The following ZBBX variants were observed in gnomAD, a reference collection of about 807,000 sequenced individuals.
ZBBX encodes zinc finger B-box domain containing, also known as zinc finger B-box domain-containing protein 1.
In ZBBX, 101 loss-of-function variants were observed where a neutral mutation model predicts 108.5. The ratio of observed to expected loss-of-function variants is 0.93; its 90% CI spans 0.79 to 1.10. The LOEUF is 1.10. ZBBX is among the 50% of genes least tolerant of loss of function. ZBBX has a pLI of 0.00. For missense variants in ZBBX, 1,009 were observed against 941.4 expected (o/e 1.07, Z -0.94); for synonymous variants, 356 against 323.4 (o/e 1.10, Z -1.08).
At chr3:167,350,390 C>T in intron 9 of ZBBX, 30 bp downstream of exon 9, 1 of 1,522,226 alleles carries the variant, frequency 6.6e-7, no homozygotes, top group East Asian at 2.3e-5. Flanking sequence ...TATAAACACA[C>T]TACAAGTAAA....
chr3:167,275,619 G>C (rs1177552015), intron 20 of ZBBX, among the ~76,000 whole-genome samples: 3 of 152,238 alleles, frequency 2.0e-5, no homozygotes, highest in Non-Finnish European at 4.4e-5. Context: ...ACATGGCTCG[G>C]AGGGTCCTAC....
chr3:167,206,539 T>C, the ZBBX span, among the ~76,000 whole-genome samples: 1 of 152,066 alleles, frequency 6.6e-6, no homozygotes, highest in Admixed American at 6.6e-5. Context: ...TAATTTGGAC[T>C]GGAAGTATTA....
At chr3:167,192,308 C>T in the ZBBX span, among the ~76,000 whole-genome samples, 2 of 151,942 alleles carry the variant, frequency 1.3e-5, no homozygotes, top group Admixed American at 1.3e-4. Flanking sequence ...TGTAAGATAT[C>T]TGGTGGTAGT....
At chr3:167,325,049 A>T (rs941249548) in intron 11 of ZBBX, among the ~76,000 whole-genome samples, 1 of 152,168 alleles carries the variant, frequency 6.6e-6, no homozygotes, top group Non-Finnish European at 1.5e-5. Flanking sequence ...ATCCTGTGCG[A>T]GTACATCTAC....
chr3:167,373,557 T>G (rs1046326274), intron 3 of ZBBX, 149 bp downstream of exon 3: 2 of 152,252 alleles, frequency 1.3e-5, no homozygotes, highest in Admixed American at 6.5e-5. Flanking sequence ...TACTATTAAC[T>G]TATTGTTCAT....
intron 8 of ZBBX, among the ~76,000 whole-genome samples, chr3:167,352,920 G>C (rs1274603063): frequency 6.6e-6 from 1 of 152,040 alleles, no homozygotes; most frequent in Non-Finnish European, 1.5e-5. Context: ...ATAACATTCA[G>C]CATCACTCCA....
At chr3:167,266,900 A>T (rs1389805119) in intron 20 of ZBBX, among the ~76,000 whole-genome samples, 1 of 152,066 alleles carries the variant, frequency 6.6e-6, no homozygotes, top group Non-Finnish European at 1.5e-5. Context: ...ACCTCATTGC[A>T]GTGGCTTCAG....
chr3:167,194,055 G>T, the ZBBX span, among the ~76,000 whole-genome samples: 5 of 151,906 alleles, frequency 3.3e-5, no homozygotes, highest in Non-Finnish European at 7.4e-5. Context: ...TCAATAACTG[G>T]TAGGGTGACT....
chr3:167,225,012 T>C, the ZBBX span, among the ~76,000 whole-genome samples: 6 of 151,902 alleles, frequency 3.9e-5, no homozygotes, highest in East Asian at 1.2e-3. Flanking sequence ...GAGGACCCTT[T>C]TTGGTTCTTC....
chr3:167,360,780 G>A, intron 6 of ZBBX, 57 bp from the exon 7 acceptor site: 1 of 1,116,682 alleles, frequency 9.0e-7, no homozygotes, highest in African/African-American at 1.6e-5. Flanking sequence ...TTCAACGAAA[G>A]TTGCCAACAA....
the ZBBX span, among the ~76,000 whole-genome samples, chr3:167,186,405 A>T: frequency 5.3e-5 from 8 of 152,106 alleles, no homozygotes; most frequent in Admixed American, 2.0e-4. Flanking sequence ...GGAAGGAAGG[A>T]AGGAAAGGAA....
Position 167,322,339 on chromosome 3 carries a change from C to T in ZBBX, c.863-102G>A, listed in dbSNP as rs544586490. 233 of 962,388 alleles carry T rather than the reference C, an allele frequency of 2.4e-4. No individual in the cohort carries two copies. In the East Asian group the frequency reaches 3.9e-3, roughly 16 times the overall value. 59.6% of individuals were successfully genotyped at this position (962,388 alleles called of 1,614,324 possible). A position where few individuals can be genotyped will look rare whatever the true frequency, so the allele number is the denominator to read the frequency against. On this transcript the variant is annotated intron_variant, in intron 11 of 21. Transcript: ENST00000675490. ...ACTCATCATTTTTGGGGCATATATG[C>T]TTTAATATTTACTTATACAATCAAT...
intron 17 of ZBBX, among the ~76,000 whole-genome samples, 153 bp downstream of exon 17, chr3:167,305,490 C>T (rs1477304016): frequency 6.6e-6 from 1 of 152,050 alleles, no homozygotes; most frequent in Non-Finnish European, 1.5e-5. Flanking sequence ...TGTTCTCTCC[C>T]GTATGAGTCA....
chr3:167,239,749 C>T (rs990399414), downstream of ZBBX, among the ~76,000 whole-genome samples: 1 of 152,034 alleles, frequency 6.6e-6, no homozygotes, highest in Non-Finnish European at 1.5e-5. Context: ...CCCCAAGTCC[C>T]TGTGTTATTC....
At chr3:167,287,911 T>C (rs1729982694) in intron 19 of ZBBX, among the ~76,000 whole-genome samples, 1 of 152,120 alleles carries the variant, frequency 6.6e-6, no homozygotes, top group Admixed American at 6.6e-5. Context: ...GTTTTAATCA[T>C]AGATTTTAGG....
At chr3:167,286,944 T>C (rs940477493) in intron 19 of ZBBX, among the ~76,000 whole-genome samples, 1 of 152,138 alleles carries the variant, frequency 6.6e-6, no homozygotes, top group East Asian at 1.9e-4. Context: ...AGCCAGGCAA[T>C]TTTTAGTTTA....
intron 6 of ZBBX, among the ~76,000 whole-genome samples, chr3:167,362,802 A>T (rs554011258): frequency 1.2e-4 from 19 of 152,166 alleles, no homozygotes; most frequent in African/African-American, 4.1e-4. Context: ...TTATTGTGCT[A>T]TCATGATTCA....
chr3:167,342,166 A>G (rs1265612048), intron 9 of ZBBX, among the ~76,000 whole-genome samples: 2 of 151,850 alleles, frequency 1.3e-5, no homozygotes, highest in Non-Finnish European at 3.0e-5. Flanking sequence ...CAATTAGATA[A>G]TTGGTATCCC....
chr3:167,181,961 G>A, the ZBBX span, among the ~76,000 whole-genome samples: 1 of 152,176 alleles, frequency 6.6e-6, no homozygotes, highest in Non-Finnish European at 1.5e-5. Flanking sequence ...TGGGGGGCAG[G>A]CCTGGGACGG....
Sources: gnomAD v4.1 joint callset for allele counts (sites outside exome capture counted in the v4.1 genomes callset) on GRCh38, gnomAD v4.1.1 for gene constraint, MANE v1.5 for transcripts, NCBI Gene and HGNC (gene_info 2026-07-23, HGNC 2026-07-21) for gene names.